Variants in GPC5 observed in about 807,000 individuals in gnomAD.
The protein encoded by GPC5 is glypican 5, also known as glypican-5.
GPC5 carries 47 observed loss-of-function variants against 53.9 expected under a neutral mutation model. That is an observed-to-expected ratio of 0.87 (90% CI 0.69 to 1.11). GPC5 has a LOEUF of 1.11. GPC5 is among the 50% of genes most tolerant of loss of function. GPC5 has a pLI of 0.00. For missense variants in GPC5, 748 were observed against 713.1 expected, an observed-to-expected ratio of 1.05 and a Z score of -0.56; for synonymous variants, 286 against 263.3, an observed-to-expected ratio of 1.09 and a Z score of -0.84.
chr13:92,530,403 C>T (rs1024535062), intron 7 of GPC5, among the ~76,000 whole-genome samples: 3 of 149,944 alleles, frequency 2.0e-5, no homozygotes, highest in African/African-American at 7.3e-5. Flanking sequence ...GAGTTCCCCA[C>T]TGTATTTTGT....
intron 2 of GPC5, among the ~76,000 whole-genome samples, chr13:91,650,303 C>T (rs1035764659): frequency 2.6e-5 from 4 of 152,144 alleles, no homozygotes; most frequent in Non-Finnish European, 4.4e-5. Flanking sequence ...ATGTCTCCAA[C>T]TACCAATCTG....
At chr13:92,724,913 A>ACACACACACACACAC (rs1566386562) in intron 7 of GPC5, among the ~76,000 whole-genome samples, 2 of 88,872 alleles carry the variant, frequency 2.3e-5, no homozygotes, top group Admixed American at 1.2e-4. Flanking sequence ...CACACACACA[A>ACACACACACACACAC]GAAAGAAAAA....
intron 6 of GPC5, among the ~76,000 whole-genome samples, chr13:92,115,198 C>T (rs975466725): frequency 3.3e-5 from 5 of 152,058 alleles, no homozygotes; most frequent in African/African-American, 7.2e-5. Context: ...CATGTAACCA[C>T]CACCAAAATT....
intron 7 of GPC5, among the ~76,000 whole-genome samples, chr13:92,192,294 G>A (rs531523298): frequency 4.6e-5 from 7 of 152,116 alleles, no homozygotes; most frequent in South Asian, 4.1e-4. Context: ...TACCACTCTC[G>A]CAGGGGAAAC....
intron 5 of GPC5, among the ~76,000 whole-genome samples, chr13:91,884,145 G>C (rs181689940): frequency 9.2e-5 from 14 of 152,254 alleles, no homozygotes; most frequent in Non-Finnish European, 1.2e-4. Context: ...CTACACTGTT[G>C]GTGGGAGTGT....
chr13:92,031,490 A>G (rs1390400681), intron 6 of GPC5, among the ~76,000 whole-genome samples: 1 of 151,246 alleles, frequency 6.6e-6, no homozygotes, highest in Non-Finnish European at 1.5e-5. Flanking sequence ...ACTAGTTTAT[A>G]TTCCCACAAG....
At chr13:92,162,001 CTAAAT>C (rs1243855475) in intron 7 of GPC5, among the ~76,000 whole-genome samples, 1 of 87,340 alleles carries the variant, frequency 1.1e-5, no homozygotes, top group Non-Finnish European at 2.5e-5. Context: ...ATATATGAAA[CTAAAT>C]GTAGTTCTCT....
At chr13:91,644,833 A>C (rs1173497472) in intron 2 of GPC5, among the ~76,000 whole-genome samples, 1 of 152,250 alleles carries the variant, frequency 6.6e-6, no homozygotes, top group Non-Finnish European at 1.5e-5. Context: ...TGAAAAAGTC[A>C]TGGCAAAAAG....
intron 5 of GPC5, among the ~76,000 whole-genome samples, chr13:91,891,795 C>G (rs2138969685): frequency 6.6e-6 from 1 of 152,160 alleles, no homozygotes; most frequent in South Asian, 2.1e-4. Context: ...ATGAATTCAT[C>G]AGTTTCTTCA....
At chr13:92,621,049 A>AGT (rs775989398) in intron 7 of GPC5, among the ~76,000 whole-genome samples, 2 of 152,218 alleles carry the variant, frequency 1.3e-5, no homozygotes, top group Non-Finnish European at 2.9e-5. Flanking sequence ...GGAAACCTAC[A>AGT]GTGGGAAGCT....
At chr13:92,575,536 C>T (rs757692185) in intron 7 of GPC5, among the ~76,000 whole-genome samples, 25 of 152,018 alleles carry the variant, frequency 1.6e-4, no homozygotes, top group Admixed American at 3.3e-4. Flanking sequence ...CAGAACTGCG[C>T]GAGAATGCAT....
At chr13:92,218,493 T>TA (rs2042426583) in intron 7 of GPC5, among the ~76,000 whole-genome samples, 1 of 152,180 alleles carries the variant, frequency 6.6e-6, no homozygotes, top group Admixed American at 6.5e-5. Context: ...GATATGCCCT[T>TA]CAAGGCTGAA....
intron 7 of GPC5, among the ~76,000 whole-genome samples, chr13:92,257,546 A>AGTTTTTTTTTTTT (rs2042735085): frequency 1.4e-5 from 1 of 72,966 alleles, no homozygotes; most frequent in Non-Finnish European, 2.3e-5. Flanking sequence ...TAATACAGGG[A>AGTTTTTTTTTTTT]TTTTTTTTTT....
chr13:92,346,036 C>T (rs1331146832), intron 7 of GPC5, among the ~76,000 whole-genome samples: 1 of 152,108 alleles, frequency 6.6e-6, no homozygotes, highest in East Asian at 1.9e-4. Flanking sequence ...CATACTTTGC[C>T]TCAGAGCATG....
chr13:91,939,219 G>C (rs947129358), intron 6 of GPC5, among the ~76,000 whole-genome samples: 1 of 152,202 alleles, frequency 6.6e-6, no homozygotes, highest in Admixed American at 6.5e-5. Context: ...AGGCTAACTT[G>C]ATATGGGATT....
At chr13:91,656,959 G>C (rs1010068520) in intron 2 of GPC5, among the ~76,000 whole-genome samples, 2 of 152,120 alleles carry the variant, frequency 1.3e-5, no homozygotes, top group African/African-American at 4.8e-5. Flanking sequence ...AGGAACTCAG[G>C]GTTTGTAATG....
chr13:92,759,210 A>T (rs1472564776), intron 7 of GPC5, among the ~76,000 whole-genome samples: 3 of 150,420 alleles, frequency 2.0e-5, no homozygotes, highest in African/African-American at 7.3e-5. Context: ...TTTTTTCAGA[A>T]TTGCTTGGCT....
chr13:91,522,276 C>T (rs2139371635), intron 2 of GPC5, among the ~76,000 whole-genome samples: 3 of 152,296 alleles, frequency 2.0e-5, no homozygotes, highest in Middle Eastern at 3.4e-3. Flanking sequence ...CTTGGTCTTT[C>T]CTGTGACCAG....
intron 2 of GPC5, among the ~76,000 whole-genome samples, chr13:91,663,935 C>G (rs1048601347): frequency 1.3e-5 from 2 of 152,190 alleles, no homozygotes; most frequent in Non-Finnish European, 2.9e-5. Flanking sequence ...CCTCAGCCTC[C>G]TGAGTATCTG....
Sources: allele counts gnomAD v4.1 joint callset (sites outside exome capture counted in the v4.1 genomes callset), GRCh38; gene constraint gnomAD v4.1.1; transcripts MANE v1.5; gene names NCBI Gene and HGNC (gene_info 2026-07-23, HGNC 2026-07-21).